The following NR5A2 variants were observed in gnomAD, a reference collection of about 807,000 sequenced individuals.
The protein encoded by NR5A2 is CYP7A promoter-binding factor.
Under a neutral mutation model 62.7 loss-of-function variants are expected in NR5A2, and 26 were observed. The observed-to-expected ratio is 0.41, with a 90% CI of 0.30 to 0.58. NR5A2 has a LOEUF of 0.58. Among genes scored for constraint, NR5A2 ranks in the 20% least tolerant of loss-of-function variants. The pLI, the probability that NR5A2 is intolerant of heterozygous loss-of-function variation, is 0.22. For synonymous variants in NR5A2, 246 were observed against 241.7 expected, an observed-to-expected ratio of 1.02 and a Z score of -0.16; for missense variants, 541 against 669.1, an observed-to-expected ratio of 0.81 and a Z score of 2.11.
intron 6 of NR5A2, among the ~76,000 whole-genome samples, chr1:200,114,436 C>G (rs1467883822): frequency 6.6e-6 from 1 of 152,114 alleles, no homozygotes; most frequent in Non-Finnish European, 1.5e-5. Flanking sequence ...CATGTGCTCT[C>G]TGGTGTGTGT....
chr1:200,082,975 A>G lies in NR5A2; in HGVS notation c.1111-28227A>G, dbSNP rs536776577. ...AAGGCTATATGTCTCTGAGTTTTTC[A>G]GTCTAGAAGATTTTGGACTGAAATT... On this transcript the variant is annotated intron_variant, in intron 5 of 7. Coordinates refer to ENST00000367362, the MANE Select transcript of NR5A2 (RefSeq NM_205860.3). 3.2e-4 allele frequency among the ~76,000 whole-genome samples: 48 copies of G among 152,266 alleles called. No homozygotes were observed. The East Asian group carries it at 8.7e-3, about 28-fold the overall frequency.
At chr1:200,120,692 C>CTA in intron 6 of NR5A2, 116 bp from the exon 7 acceptor site, 2 of 1,078,234 alleles carry the variant, frequency 1.9e-6, no homozygotes, top group Non-Finnish European at 2.6e-6. Context: ...CCCCACATCT[C>CTA]TATTCTATTT....
chr1:200,123,329 G>A (rs184914124), intron 7 of NR5A2, among the ~76,000 whole-genome samples: 39 of 152,334 alleles, frequency 2.6e-4, no homozygotes, highest in East Asian at 2.3e-3. Context: ...CGGGTGCAGC[G>A]TTCCAAGCTA....
At chr1:200,072,775 C>G (rs1308319795) in intron 5 of NR5A2, among the ~76,000 whole-genome samples, 1 of 152,110 alleles carries the variant, frequency 6.6e-6, no homozygotes, top group Non-Finnish European at 1.5e-5. Flanking sequence ...TCCATCTCTG[C>G]TACTATTATT....
chr1:200,154,033 G>A (rs1030523379), intron 7 of NR5A2, among the ~76,000 whole-genome samples: 13 of 152,180 alleles, frequency 8.5e-5, no homozygotes, highest in African/African-American at 3.1e-4. Context: ...TTAAATTGGT[G>A]TGTTATTTAT....
intron 7 of NR5A2, among the ~76,000 whole-genome samples, chr1:200,134,453 G>A (rs1667126921): frequency 6.6e-6 from 1 of 152,160 alleles, no homozygotes; most frequent in Non-Finnish European, 1.5e-5. Context: ...TGTTACAACT[G>A]CCTTCGATAT....
chr1:200,092,530 C>T (rs1419410498), intron 5 of NR5A2, among the ~76,000 whole-genome samples: 3 of 152,090 alleles, frequency 2.0e-5, no homozygotes, highest in Admixed American at 2.0e-4. Flanking sequence ...TGGCGCTTCC[C>T]TCCGTGAACT....
chr1:200,105,350 A>T (rs1665599135), intron 5 of NR5A2, among the ~76,000 whole-genome samples: 2 of 152,140 alleles, frequency 1.3e-5, no homozygotes, highest in Non-Finnish European at 2.9e-5. Context: ...TACAAGTTAA[A>T]ACCTGCTTCA....
intron 1 of NR5A2, chr1:200,038,631 C>T: frequency 1.9e-6 from 2 of 1,067,408 alleles, no homozygotes; most frequent in Non-Finnish European, 1.3e-6. Context: ...CCCTTCATCT[C>T]CTCATCCGAC....
intron 5 of NR5A2, among the ~76,000 whole-genome samples, chr1:200,103,539 G>A (rs1665497265): frequency 6.6e-6 from 1 of 152,154 alleles, no homozygotes. Flanking sequence ...GCTTACCAAA[G>A]AACTAGGATG....
At chr1:200,122,570 T>C (rs1216724554) in intron 7 of NR5A2, among the ~76,000 whole-genome samples, 1 of 152,160 alleles carries the variant, frequency 6.6e-6, no homozygotes, top group Non-Finnish European at 1.5e-5. Context: ...GCTAATACTA[T>C]AAGGAGGGGG....
At chr1:200,046,432 CAG>C (rs767538238) in intron 4 of NR5A2, among the ~76,000 whole-genome samples, 5 of 152,046 alleles carry the variant, frequency 3.3e-5, no homozygotes, top group Non-Finnish European at 7.4e-5. Context: ...AAAGCAATAA[CAG>C]GGATACATAT....
chr1:200,104,755 C>A (rs186265452), intron 5 of NR5A2, among the ~76,000 whole-genome samples: 1 of 152,180 alleles, frequency 6.6e-6, no homozygotes, highest in Non-Finnish European at 1.5e-5. Context: ...CTCCGCCTTC[C>A]GGGTTCAAGC....
chr1:200,065,560 T>A (rs1663429853), intron 5 of NR5A2, among the ~76,000 whole-genome samples: 1 of 152,256 alleles, frequency 6.6e-6, no homozygotes, highest in African/African-American at 2.4e-5. Context: ...TCTAGCCCAG[T>A]GTGCCTAAAG....
Position 200,039,559 on chromosome 1 carries a change from G to A in NR5A2, c.65-99G>A, listed in dbSNP as rs1402662971. ...CCTGCCCGGCAGCCCCGAGGAGGCG[G>A]AGGCACGCTCCGGCGAGGCGAGAGG... On this transcript the variant is annotated intron_variant, in intron 1 of 7. Coordinates refer to ENST00000367362, the MANE Select transcript of NR5A2 (RefSeq NM_205860.3). The surrounding 1 kb of genome is among the most constrained non-coding windows in gnomAD (Gnocchi z 5.1). 3.1e-5 allele frequency: 49 copies of A among 1,562,096 alleles called. No homozygotes were observed. Among genetic ancestry groups the A allele is most frequent in the Non-Finnish European group, 4.2e-5 (48 of 1,146,758 alleles).
At chr1:200,145,770 C>A (rs1334205144) in intron 7 of NR5A2, among the ~76,000 whole-genome samples, 1 of 152,092 alleles carries the variant, frequency 6.6e-6, no homozygotes, top group Admixed American at 6.5e-5. Flanking sequence ...ACTACAGGTG[C>A]ATGCCACCAC....
intron 1 of NR5A2, among the ~76,000 whole-genome samples, chr1:200,030,047 G>A (rs923469540): frequency 2.0e-5 from 3 of 152,196 alleles, no homozygotes; most frequent in African/African-American, 7.2e-5. Context: ...CGATTCCTGA[G>A]GGAGAGATGC....
chr1:200,175,019 C>T lies in NR5A2; in HGVS notation c.*809C>T, dbSNP rs958270223. The T allele has an allele frequency of 6.6e-6, 1 of 152,604 alleles. No individual in the cohort carries two copies. The highest frequency in any genetic ancestry group is 1.5e-5 in the Non-Finnish European group (1 of 68,032). 9.5% of individuals were successfully genotyped at this position (152,604 alleles called of 1,614,324 possible). A position where few individuals can be genotyped will look rare whatever the true frequency, so the allele number is the denominator to read the frequency against. Reference sequence around the variant, plus strand: ...CAAAGCAAATGCTCCATAGCTAAAGCAACTTAGACCTTATTTCTGCTACTG... The same window carrying T: ...CAAAGCAAATGCTCCATAGCTAAAGTAACTTAGACCTTATTTCTGCTACTG... On this transcript the variant is annotated 3_prime_UTR_variant, in exon 8 of 8. Coordinates refer to ENST00000367362, the MANE Select transcript of NR5A2 (RefSeq NM_205860.3).
At chr1:200,139,620 T>TA (rs1258674719) in intron 7 of NR5A2, among the ~76,000 whole-genome samples, 1 of 152,276 alleles carries the variant, frequency 6.6e-6, no homozygotes, top group Non-Finnish European at 1.5e-5. Context: ...GTTCTGGTTC[T>TA]AGCTTCTTCA....
Sources: allele counts gnomAD v4.1 joint callset (sites outside exome capture counted in the v4.1 genomes callset), GRCh38; gene constraint gnomAD v4.1.1; non-coding constraint Gnocchi (gnomAD v3.1); transcripts MANE v1.5; gene names NCBI Gene and HGNC (gene_info 2026-07-23, HGNC 2026-07-21).